Variants in HS3ST5 observed in about 807,000 individuals in gnomAD.
HS3ST5 encodes heparan sulfate-glucosamine 3-sulfotransferase 5.
HS3ST5 carries 10 observed loss-of-function variants against 25.4 expected under a neutral mutation model. That is an observed-to-expected ratio of 0.39 (90% CI 0.24 to 0.67). HS3ST5 has a LOEUF of 0.67. Among genes scored for constraint, HS3ST5 ranks in the 30% least tolerant of loss-of-function variants. The pLI, the probability that HS3ST5 is intolerant of heterozygous loss-of-function variation, is 0.44. For missense variants in HS3ST5, 324 were observed against 420.7 expected, an observed-to-expected ratio of 0.77 and a Z score of 2.01; for synonymous variants, 170 against 162.4, an observed-to-expected ratio of 1.05 and a Z score of -0.36.
chr6:114,286,651 T>A (rs1488890166), intron 1 of HS3ST5, among the ~76,000 whole-genome samples: 1 of 152,016 alleles, frequency 6.6e-6, no homozygotes, highest in African/African-American at 2.4e-5. Context: ...TATCCTTCCC[T>A]TTTACAAACT....
At chr6:114,159,763 CAA>C (rs1226928607) in intron 3 of HS3ST5, among the ~76,000 whole-genome samples, 2 of 152,134 alleles carry the variant, frequency 1.3e-5, no homozygotes, top group East Asian at 3.8e-4. Context: ...AAGACATTAT[CAA>C]AAAATTTTCT....
chr6:114,215,041 C>T (rs1014696370), intron 2 of HS3ST5, among the ~76,000 whole-genome samples: 2 of 152,178 alleles, frequency 1.3e-5, no homozygotes, highest in Non-Finnish European at 2.9e-5. Context: ...CGCGGTGGCT[C>T]ATGCCTGTAA....
intron 3 of HS3ST5, among the ~76,000 whole-genome samples, chr6:114,152,391 A>C (rs1778498874): frequency 6.6e-6 from 1 of 151,690 alleles, no homozygotes; most frequent in Non-Finnish European, 1.5e-5. Flanking sequence ...AACTGTTAAC[A>C]CTCCTACCTT....
intron 1 of HS3ST5, among the ~76,000 whole-genome samples, chr6:114,302,827 A>G (rs1775136267): frequency 6.6e-6 from 1 of 152,132 alleles, no homozygotes; most frequent in Admixed American, 6.5e-5. Context: ...TCCTTTCTCA[A>G]TTAAGAGTGA....
intron 1 of HS3ST5, among the ~76,000 whole-genome samples, 194 bp from the exon 2 acceptor site, chr6:114,228,972 G>A (rs1371351581): frequency 1.3e-5 from 2 of 152,156 alleles, no homozygotes; most frequent in Non-Finnish European, 2.9e-5. Context: ...AGGGCATTCT[G>A]GTTGAATTCC....
chr6:114,058,717 T>C (rs1201532230), intron 4 of HS3ST5: 1 of 153,326 alleles, frequency 6.5e-6, no homozygotes, highest in African/African-American at 2.4e-5. Context: ...GTTTGCATCA[T>C]CAACCTGCAA....
intron 2 of HS3ST5, among the ~76,000 whole-genome samples, chr6:114,172,567 T>A (rs1057294066): frequency 6.6e-6 from 1 of 152,214 alleles, no homozygotes; most frequent in Non-Finnish European, 1.5e-5. Context: ...GCTTTGTAAA[T>A]CTTGCTAAGG....
intron 2 of HS3ST5, among the ~76,000 whole-genome samples, chr6:114,222,160 C>T (rs568067902): frequency 6.6e-6 from 1 of 151,848 alleles, no homozygotes; most frequent in Non-Finnish European, 1.5e-5. Flanking sequence ...TCCGATCTCA[C>T]GTCTCATATC....
intron 1 of HS3ST5, among the ~76,000 whole-genome samples, chr6:114,306,256 T>TATATATGTACAC (rs756494412): frequency 2.1e-4 from 24 of 115,418 alleles, no homozygotes; most frequent in South Asian, 1.0e-3. Context: ...TATATATATA[T>TATATATGTACAC]ACACACACAC....
chr6:114,297,206 G>GT (rs890320287), intron 1 of HS3ST5, among the ~76,000 whole-genome samples: 34 of 147,428 alleles, frequency 2.3e-4, no homozygotes, highest in East Asian at 1.2e-3. Flanking sequence ...ATATATGAGT[G>GT]TTTTTTTTTT....
intron 3 of HS3ST5, among the ~76,000 whole-genome samples, chr6:114,128,244 T>G (rs1330442852): frequency 6.6e-6 from 1 of 152,188 alleles, no homozygotes; most frequent in Non-Finnish European, 1.5e-5. Context: ...ATTTTTAACT[T>G]TCAATTTTGT....
chr6:114,327,658 T>C (rs1433836353), intron 1 of HS3ST5, among the ~76,000 whole-genome samples: 1 of 146,334 alleles, frequency 6.8e-6, no homozygotes, highest in Non-Finnish European at 1.5e-5. Context: ...ACATGCAACA[T>C]CATTTTTTTT....
Position 114,226,041 on chromosome 6 carries a change from A to C in HS3ST5, c.-145+2544T>G, listed in dbSNP as rs7746306. Among the ~76,000 whole-genome samples the C allele has an allele frequency of 5.7e-3, 867 of 152,070 alleles. 7 individuals are homozygous for C. The highest frequency in any genetic ancestry group is 0.02 in the African/African-American group (835 of 41,550). ...CTTTGGATTCAGACAGAATGAACAA[A>C]ATCGTAGGCCAACCGCAGCTGGTTG... On this transcript the variant is annotated intron_variant, in intron 2 of 4. Coordinates refer to ENST00000312719, the MANE Select transcript of HS3ST5 (RefSeq NM_153612.4).
chr6:114,339,664 A>G (rs962384285), intron 1 of HS3ST5, among the ~76,000 whole-genome samples: 50 of 152,198 alleles, frequency 3.3e-4, no homozygotes, highest in African/African-American at 1.1e-3. Context: ...CACACACAGA[A>G]AGCCAGAGCT....
chr6:114,220,628 T>C (rs1313028302), intron 2 of HS3ST5: 2 of 152,014 alleles, frequency 1.3e-5, no homozygotes, highest in Non-Finnish European at 2.9e-5. Flanking sequence ...AAATATATGG[T>C]AAGTCATTTC....
chr6:114,277,873 T>C (rs528884507), intron 1 of HS3ST5, among the ~76,000 whole-genome samples: 1 of 152,002 alleles, frequency 6.6e-6, no homozygotes, highest in Non-Finnish European at 1.5e-5. Context: ...ATAGTTGTAA[T>C]TACAAAGGAA....
intron 1 of HS3ST5, among the ~76,000 whole-genome samples, chr6:114,295,165 T>G (rs1774762080): frequency 6.6e-6 from 1 of 152,198 alleles, no homozygotes; most frequent in African/African-American, 2.4e-5. Context: ...TGTTATGTAC[T>G]CACACACATT....
chr6:114,079,040 A>T (rs1774306699), intron 3 of HS3ST5, among the ~76,000 whole-genome samples: 2 of 152,244 alleles, frequency 1.3e-5, no homozygotes, highest in South Asian at 4.1e-4. Flanking sequence ...TATTGCTAAA[A>T]AAATGCTAAT....
At chr6:114,161,545 A>AT (rs2114983718) in intron 3 of HS3ST5, among the ~76,000 whole-genome samples, 1 of 82,874 alleles carries the variant, frequency 1.2e-5, no homozygotes, top group Non-Finnish European at 2.7e-5. Flanking sequence ...ATATATATAT[A>AT]TATATATATA....
Sources: allele counts gnomAD v4.1 joint callset (sites outside exome capture counted in the v4.1 genomes callset), GRCh38; gene constraint gnomAD v4.1.1; transcripts MANE v1.5; gene names NCBI Gene and HGNC (gene_info 2026-07-23, HGNC 2026-07-21).